CMTM8: variants seen among roughly 807,000 people sequenced by gnomAD.
The protein encoded by CMTM8 is CKLF like MARVEL transmembrane domain containing 8, also known as CKLF-like MARVEL transmembrane domain-containing protein 8.
A neutral mutation model predicts 18.6 loss-of-function variants in CMTM8; 12 were observed. The observed-to-expected ratio is 0.65, with a 90% confidence interval of 0.41 to 1.05. The LOEUF (loss-of-function observed/expected upper bound fraction) is 1.05, where lower values mean the gene tolerates loss of function less well. CMTM8 is among the 50% of genes least tolerant of loss of function. The pLI is 0.00. For missense variants in CMTM8, 217 were observed against 227.2 expected (o/e 0.95, Z 0.29); for synonymous variants, 87 against 90.6 (o/e 0.96, Z 0.23).
chr3:32,312,056 A>G (rs1373609287), intron 1 of CMTM8, among the ~76,000 whole-genome samples: 1 of 152,218 alleles, frequency 6.6e-6, no homozygotes, highest in Non-Finnish European at 1.5e-5. Flanking sequence ...AGTAACATTG[A>G]TGAGAGATTG....
At chr3:32,288,198 T>C (rs531909531) in intron 1 of CMTM8, among the ~76,000 whole-genome samples, 50 of 152,326 alleles carry the variant, frequency 3.3e-4, no homozygotes, top group African/African-American at 1.2e-3. Flanking sequence ...GGATTTTAGA[T>C]GATGGGTCCT....
chr3:32,297,017 A>AG (rs1304377448), intron 1 of CMTM8, among the ~76,000 whole-genome samples: 2 of 152,108 alleles, frequency 1.3e-5, no homozygotes, highest in Non-Finnish European at 2.9e-5. Flanking sequence ...TTTTTCTGGA[A>AG]GGTTTGTGGT....
intron 1 of CMTM8, among the ~76,000 whole-genome samples, chr3:32,303,098 G>A (rs1010952549): frequency 6.6e-6 from 1 of 152,154 alleles, no homozygotes; most frequent in Admixed American, 6.5e-5. Flanking sequence ...TAAATTGAGT[G>A]TCCAAATTGC....
At chr3:32,292,876 G>A (rs1702804126) in intron 1 of CMTM8, among the ~76,000 whole-genome samples, 1 of 152,064 alleles carries the variant, frequency 6.6e-6, no homozygotes, top group Admixed American at 6.6e-5. Context: ...TGCAAATAGA[G>A]GCAAATGCGA....
intron 1 of CMTM8, among the ~76,000 whole-genome samples, chr3:32,293,095 A>ATT (rs1184857712): frequency 1.3e-5 from 2 of 151,198 alleles, no homozygotes; most frequent in South Asian, 2.1e-4. Context: ...ATATATATAT[A>ATT]TATTTAACTT....
intron 2 of CMTM8, among the ~76,000 whole-genome samples, chr3:32,366,173 C>G (rs962553829): frequency 2.0e-5 from 3 of 152,146 alleles, no homozygotes; most frequent in African/African-American, 7.2e-5. Context: ...CTGGCAGAGC[C>G]CCCAGTGTGG....
chr3:32,339,676 G>A (rs1436547229), intron 1 of CMTM8, among the ~76,000 whole-genome samples: 1 of 152,122 alleles, frequency 6.6e-6, no homozygotes, highest in African/African-American at 2.4e-5. Flanking sequence ...GAACTCTGCA[G>A]GGGTAGGCCG....
intron 1 of CMTM8, among the ~76,000 whole-genome samples, chr3:32,328,305 AGGTGGAGTGAG>A (rs1186950070): frequency 1.5e-4 from 21 of 136,716 alleles, no homozygotes; most frequent in Admixed American, 4.9e-4. Flanking sequence ...TGAACCCAGG[AGGTGGAGTGAG>A]CTGAGATCAC....
At chr3:32,360,298 A>G (rs1207773329) in intron 2 of CMTM8, among the ~76,000 whole-genome samples, 5 of 152,234 alleles carry the variant, frequency 3.3e-5, no homozygotes, top group Admixed American at 3.3e-4. Context: ...CAATCTAGAA[A>G]TCTGGGCTTT....
chr3:32,294,976 G>A (rs1422383899), intron 1 of CMTM8, among the ~76,000 whole-genome samples: 1 of 152,066 alleles, frequency 6.6e-6, no homozygotes, highest in African/African-American at 2.4e-5. Context: ...AATCTCTTGA[G>A]CTTGGGAGGC....
At position 32,279,166 on chromosome 3, in the gene CMTM8, G is replaced by GGT. The variant is rs1575157321; in HGVS notation, c.147+40047_147+40048insGT. ...GTTCTGTATTTTTCTTATAATTAGT[G>GGT]ATTTTTTTTTTTAATTTTTTTTTTA... On this transcript the variant is annotated intron_variant, in intron 1 of 3. Transcript: ENST00000307526. 3.8e-4 allele frequency among the ~76,000 whole-genome samples: 8 copies of GGT among 21,266 alleles called. No homozygotes were observed. The East Asian group carries it at 0.01, about 27-fold the overall frequency. 14.0% of individuals were successfully genotyped at this position (21,266 alleles called of 152,430 possible).
intron 1 of CMTM8, among the ~76,000 whole-genome samples, chr3:32,263,445 T>C (rs1346294027): frequency 6.6e-6 from 1 of 151,982 alleles, no homozygotes; most frequent in African/African-American, 2.4e-5. Context: ...CAAAACCCCA[T>C]CTGTACGTCA....
intron 1 of CMTM8, among the ~76,000 whole-genome samples, chr3:32,316,020 T>A (rs1695920759): frequency 3.6e-5 from 1 of 27,996 alleles, no homozygotes. Context: ...ATTCCACCTT[T>A]TTTTTTTTTT....
chr3:32,298,106 C>T (rs192647393), intron 1 of CMTM8, among the ~76,000 whole-genome samples: 6 of 150,334 alleles, frequency 4.0e-5, no homozygotes, highest in East Asian at 1.9e-4. Context: ...GCTGGAGTCT[C>T]GTTCTGTCGC....
chr3:32,288,082 A>C (rs564537736), intron 1 of CMTM8, among the ~76,000 whole-genome samples: 63 of 152,358 alleles, frequency 4.1e-4, no homozygotes, highest in Non-Finnish European at 6.9e-4. Flanking sequence ...CACTTTCCAG[A>C]TATCAAATAG....
chr3:32,302,286 C>T (rs886665096), intron 1 of CMTM8, among the ~76,000 whole-genome samples: 2 of 152,122 alleles, frequency 1.3e-5, no homozygotes, highest in African/African-American at 2.4e-5. Context: ...TGACAAAGAC[C>T]TTGTCTCAGA....
At chr3:32,252,233 A>G (rs1034767990) in intron 1 of CMTM8, among the ~76,000 whole-genome samples, 9 of 152,190 alleles carry the variant, frequency 5.9e-5, no homozygotes, top group Admixed American at 1.3e-4. Context: ...ATGCAGAACT[A>G]TTTCTTAACC....
chr3:32,282,779 C>T (rs572387446), intron 1 of CMTM8, among the ~76,000 whole-genome samples: 11 of 152,272 alleles, frequency 7.2e-5, no homozygotes, highest in African/African-American at 2.4e-4. Context: ...TTATATCCTG[C>T]GCTCCACTCC....
At chr3:32,359,568 C>T (rs1039970441) in intron 2 of CMTM8, among the ~76,000 whole-genome samples, 17 of 152,072 alleles carry the variant, frequency 1.1e-4, no homozygotes, top group African/African-American at 2.9e-4. Flanking sequence ...CCAGCTTGGG[C>T]GACAGAGTGA....
Sources: allele counts gnomAD v4.1 joint callset (sites outside exome capture counted in the v4.1 genomes callset), GRCh38; gene constraint gnomAD v4.1.1; transcripts MANE v1.5; gene names NCBI Gene and HGNC (gene_info 2026-07-23, HGNC 2026-07-21).